HTR3D: variants seen among roughly 807,000 people sequenced by gnomAD.
HTR3D encodes 5-hydroxytryptamine receptor 3D.
A neutral mutation model predicts 45.8 loss-of-function variants in HTR3D; 47 were observed. The observed-to-expected ratio is 1.03, with a 90% CI of 0.81 to 1.31. HTR3D has a LOEUF of 1.31. Ranked by LOEUF, HTR3D falls within the 50% of genes most tolerant of loss-of-function variation. The probability of loss-of-function intolerance (pLI) is 0.00; values close to 1 mark genes in which losing one functional copy is unlikely to be tolerated. For synonymous variants in HTR3D, 203 were observed against 199.8 expected, an observed-to-expected ratio of 1.02 and a Z score of -0.13; for missense variants, 448 against 506.9, an observed-to-expected ratio of 0.88 and a Z score of 1.12.
chr3:184,036,197 A>C, intron 3 of HTR3D, 97 bp downstream of exon 3: 2 of 1,489,182 alleles, frequency 1.3e-6, no homozygotes, highest in Non-Finnish European at 1.8e-6. Flanking sequence ...CTTAGAAAAG[A>C]GCAGAGTCTG....
rs1318842096 is a variant in HTR3D, at chr3:184,036,696, G to A, written c.368-52G>A. ...AACAGTCTGGGCAAGGGACTTGGGCGCATTTGGGGAGGCTGAGTCTTCTGG... is the reference window on the plus strand; with the variant it reads ...AACAGTCTGGGCAAGGGACTTGGGCACATTTGGGGAGGCTGAGTCTTCTGG... On this transcript the variant is annotated intron_variant, in intron 4 of 7. Coordinates refer to ENST00000428798, the MANE Select transcript of HTR3D (RefSeq NM_001145143.1). 1.5e-5 allele frequency: 24 copies of A among 1,554,448 alleles called. No individual in the cohort carries two copies. The East Asian group carries it at 2.4e-4, about 16-fold the overall frequency.
At position 184,038,300 on chromosome 3, in the gene HTR3D, G is replaced by C. The variant is rs1302139410; in HGVS notation, c.769+27G>C. ...TGTGTGTTGGATGGGGAGAGGGATGGGCAGAACCAGGCGAAGTGAAAAGGG... is the reference window on the plus strand; with the variant it reads ...TGTGTGTTGGATGGGGAGAGGGATGCGCAGAACCAGGCGAAGTGAAAAGGG... On this transcript the variant is annotated intron_variant, in intron 6 of 7. Transcript: ENST00000428798. The surrounding 1 kb of genome is among the most constrained non-coding windows in gnomAD (Gnocchi z 4.5). The C allele has an allele frequency of 2.5e-6, 4 of 1,612,532 alleles. No homozygotes were observed. The highest frequency in any genetic ancestry group is 3.4e-6 in the Non-Finnish European group (4 of 1,178,738).
chr3:184,035,923 C>T (rs1406663075), intron 2 of HTR3D, 92 bp from the exon 3 acceptor site: 2 of 1,306,242 alleles, frequency 1.5e-6, no homozygotes, highest in Admixed American at 2.4e-5. Context: ...GAACTCCTGA[C>T]CTTCAGTGAT....
At chr3:184,033,250 G>C (rs187114771) in intron 1 of HTR3D, among the ~76,000 whole-genome samples, 41 of 151,472 alleles carry the variant, frequency 2.7e-4, no homozygotes, top group African/African-American at 9.7e-4. Flanking sequence ...CCTCCGGCAC[G>C]TGCTGCCCCA....
At chr3:184,035,920 T>C in intron 2 of HTR3D, 95 bp from the exon 3 acceptor site, 1 of 1,280,956 alleles carries the variant, frequency 7.8e-7, no homozygotes, top group Non-Finnish European at 1.1e-6. Flanking sequence ...CCTGAACTCC[T>C]GACCTTCAGT....
At chr3:184,033,119 ATTTTT>A (rs879211143) in intron 1 of HTR3D, 37 of 907,766 alleles carry the variant, frequency 4.1e-5, no homozygotes, top group Non-Finnish European at 4.8e-5. Context: ...CTCTGACTGG[ATTTTT>A]TTTTTTTTTT....
At chr3:184,035,458 T>C (rs1722858856) in intron 2 of HTR3D, among the ~76,000 whole-genome samples, 1 of 152,192 alleles carries the variant, frequency 6.6e-6, no homozygotes, top group Admixed American at 6.5e-5. Flanking sequence ...TCAATACTTA[T>C]GTGGCTCCAT....
chr3:184,037,263 G>A (rs1485832255), intron 5 of HTR3D, among the ~76,000 whole-genome samples: 1 of 151,014 alleles, frequency 6.6e-6, no homozygotes, highest in Non-Finnish European at 1.5e-5. Flanking sequence ...CGGTCTCAAA[G>A]TCCTGAACTC....
At chr3:184,036,984 T>A in intron 5 of HTR3D, 88 bp downstream of exon 5, 1 of 1,317,240 alleles carries the variant, frequency 7.6e-7, no homozygotes, top group Non-Finnish European at 1.0e-6. Flanking sequence ...CGCCTCGGCC[T>A]CCCAAAGTGC....
In HTR3D at chr3:184,039,171, GC is replaced by G; in HGVS notation, c.*200del. ...GGGTCCTTGCTCCTGCATGCCATCAGCCCCACTCAGCCCTCCCATACCTCCC... is the reference window on the plus strand; with the variant it reads ...GGGTCCTTGCTCCTGCATGCCATCAGCCCACTCAGCCCTCCCATACCTCCC... On this transcript the variant is annotated 3_prime_UTR_variant, in exon 8 of 8. Transcript: ENST00000428798. 1.7e-6 allele frequency: 1 copy of G among 596,516 alleles called. No homozygotes were observed. 37.0% of individuals were successfully genotyped at this position (596,516 alleles called of 1,614,324 possible).
chr3:184,038,561 T>C lies in HTR3D; in HGVS notation c.922T>C (p.Cys308Arg). ...LLLHCTGQGR[C>R]CPTAPQKGNK... ...GCTGCACTGCACCGGCCAAGGGAGATGCTGTCCCACTGCGCCCCAGAAGGG... is the reference window on the plus strand; with the variant it reads ...GCTGCACTGCACCGGCCAAGGGAGACGCTGTCCCACTGCGCCCCAGAAGGG... The change falls in exon 7 of 8, where the codon TGC becomes CGC. Residue 308 changes from cysteine to arginine, a missense_variant. Transcript: ENST00000428798. This position sits in a 1 kb window ranked among gnomAD's most constrained non-coding sequence, Gnocchi z 4.5. The C allele has an allele frequency of 6.2e-7, 1 of 1,613,964 alleles. No homozygotes were observed. Among genetic ancestry groups the C allele is most frequent in the Non-Finnish European group, 8.5e-7 (1 of 1,180,022 alleles).
chr3:184,038,763 G>A lies in HTR3D; in HGVS notation c.1003G>A (p.Val335Ile). 2 of 1,605,306 alleles carry A rather than the reference G, an allele frequency of 1.2e-6. No homozygotes were observed. The highest frequency in any genetic ancestry group is 1.7e-6 in the Non-Finnish European group (2 of 1,175,358). ...TTCTGTAGGTGTGAAGGAGCCAGAGGTATCAGCAGGGCAGATGCCAGGCCC... is the reference window on the plus strand; with the variant it reads ...TTCTGTAGGTGTGAAGGAGCCAGAGATATCAGCAGGGCAGATGCCAGGCCC... ...THLPGVKEPE[V>I]SAGQMPGPGE... Residue 335 changes from valine (V) to isoleucine (I), a missense_variant, in exon 8 of 8, where the codon GTA (valine) becomes ATA (isoleucine). By Grantham distance (29) the Val-to-Ile change is conservative. Transcript: ENST00000428798. The surrounding 1 kb of genome is among the most constrained non-coding windows in gnomAD (Gnocchi z 4.5).
At chr3:184,032,964 A>T (rs1560073214) in intron 1 of HTR3D, 2 of 1,552,074 alleles carry the variant, frequency 1.3e-6, no homozygotes, top group African/African-American at 2.7e-5. Flanking sequence ...GCAGCCTTTC[A>T]AGCAGTGTTT....
At chr3:184,036,684 A>G in intron 4 of HTR3D, 64 bp from the exon 5 acceptor site, 1 of 1,560,106 alleles carries the variant, frequency 6.4e-7, no homozygotes, top group Non-Finnish European at 8.7e-7. Flanking sequence ...AGTCTGGGCA[A>G]GGGACTTGGG....
At chr3:184,035,911 C>T (rs1469067798) in intron 2 of HTR3D, 104 bp from the exon 3 acceptor site, 2 of 1,176,322 alleles carry the variant, frequency 1.7e-6, no homozygotes, top group African/African-American at 3.1e-5. Flanking sequence ...TAGGCTGGTC[C>T]TGAACTCCTG....
chr3:184,036,095 G>A lies in HTR3D; in HGVS notation c.192G>A (p.Glu64=). ...TATGGCTTTCAGATGTCTTCATCGA[G>A]GAGTCGTGAGTCTCAGGCCAAAAAA... ...ENLWLSDVFI[E]ESVDQTPAGL... is the part of the protein sequence containing the mutation. The change falls in exon 3 of 8, where the codon GAG becomes GAA. Residue 64 remains glutamate, a synonymous_variant. Transcript: ENST00000428798. 1.3e-6 allele frequency: 2 copies of A among 1,550,618 alleles called. No individual in the cohort carries two copies. Among genetic ancestry groups the A allele is most frequent in the Non-Finnish European group, 1.7e-6 (2 of 1,146,672 alleles).
intron 4 of HTR3D, 46 bp downstream of exon 4, chr3:184,036,590 TG>T: frequency 6.2e-7 from 1 of 1,610,248 alleles, no homozygotes; most frequent in Non-Finnish European, 8.5e-7. Flanking sequence ...GAAAGGGCTT[TG>T]AGTGAGAAGA....
chr3:184,038,033 C>T lies in HTR3D; in HGVS notation c.529C>T (p.Arg177Cys), dbSNP rs772514116. 2 of 1,613,808 alleles carry T rather than the reference C, an allele frequency of 1.2e-6. No homozygotes were observed. Among genetic ancestry groups the T allele is most frequent in the Non-Finnish European group, 1.7e-6 (2 of 1,179,858 alleles). Residue 177 changes from arginine (R) to cysteine (C), a missense_variant, in exon 6 of 8, where the codon CGC becomes TGC. Transcript: ENST00000428798. The surrounding 1 kb of genome is among the most constrained non-coding windows in gnomAD (Gnocchi z 4.5). Reference sequence around the variant, plus strand: ...TCCTCCCCACCAGGTGGCCATCAGGCGCAGGTGCAGGCCCAGCCCCTACGT... The same window carrying T: ...TCCTCCCCACCAGGTGGCCATCAGGTGCAGGTGCAGGCCCAGCCCCTACGT... ...EQAIFHVAIR[R>C]RCRPSPYVVN... is the part of the protein sequence containing the mutation.
At position 184,038,211 on chromosome 3, in the gene HTR3D, C is replaced by A. The variant is rs1182416209; in HGVS notation, c.707C>A (p.Ala236Asp). Residue 236 changes from alanine to aspartate, a missense_variant, in exon 6 of 8, where the codon GCC becomes GAC. Coordinates refer to ENST00000428798, the MANE Select transcript of HTR3D (RefSeq NM_001145143.1). The surrounding 1 kb of genome is among the most constrained non-coding windows in gnomAD (Gnocchi z 4.5). ...CTCATGATGAATGACTTGCTCCCAGCCACTAGCACTTCATCACATGCTTCA... is the reference window on the plus strand; with the variant it reads ...CTCATGATGAATGACTTGCTCCCAGACACTAGCACTTCATCACATGCTTCA... ...FLLMMNDLLP[A>D]TSTSSHASLV... 1 of 1,614,090 alleles carries A rather than the reference C, an allele frequency of 6.2e-7. No individual in the cohort carries two copies. Among genetic ancestry groups the A allele is most frequent in the African/African-American group, 1.3e-5 (1 of 74,920 alleles).
Sources: gnomAD v4.1 joint callset for allele counts (sites outside exome capture counted in the v4.1 genomes callset) on GRCh38, gnomAD v4.1.1 for gene constraint, Gnocchi (gnomAD v3.1) non-coding constraint, MANE v1.5 for transcripts, NCBI Gene and HGNC (gene_info 2026-07-23, HGNC 2026-07-21) for gene names.